Variants in IFT122 observed in about 807,000 individuals in gnomAD.
IFT122 encodes the protein intraflagellar transport 122.
A neutral mutation model predicts 161.6 loss-of-function variants in IFT122; 118 were observed. That is an observed-to-expected ratio of 0.73 (90% CI 0.63 to 0.85). IFT122 has a LOEUF of 0.85. Ranked by LOEUF, IFT122 falls within the 40% of genes least tolerant of loss-of-function variation. IFT122 has a pLI of 0.00. For synonymous variants in IFT122, 550 were observed against 602.4 expected (o/e 0.91, Z 1.27); for missense variants, 1,381 against 1,579.6 (o/e 0.87, Z 2.13).
At chr3:129,492,110 G>C in intron 16 of IFT122, 31 bp from the exon 17 acceptor site, 1 of 1,580,798 alleles carries the variant, frequency 6.3e-7, no homozygotes, top group African/African-American at 1.4e-5. Context: ...CAAGAAGACA[G>C]CTTATTTTAT....
At chr3:129,463,862 A>G (rs985542318) in intron 6 of IFT122, among the ~76,000 whole-genome samples, 1 of 152,228 alleles carries the variant, frequency 6.6e-6, no homozygotes, top group Non-Finnish European at 1.5e-5. Context: ...AAGCCTCAAC[A>G]TCCAGCTATA....
chr3:129,458,796 G>A (rs1449286247), intron 4 of IFT122, 119 bp downstream of exon 4: 1 of 768,726 alleles, frequency 1.3e-6, no homozygotes, highest in Non-Finnish European at 2.3e-6. Flanking sequence ...TTGAAATTAA[G>A]TTGTGGGTGT....
At chr3:129,448,774 C>T (rs1379251348) in intron 1 of IFT122, among the ~76,000 whole-genome samples, 1 of 152,032 alleles carries the variant, frequency 6.6e-6, no homozygotes, top group Non-Finnish European at 1.5e-5. Flanking sequence ...TCACTGCAAC[C>T]TCTGCCTCCC....
Position 129,466,904 on chromosome 3 carries a change from T to C in IFT122, c.578T>C (p.Phe193Ser). Reference sequence around the variant, plus strand: ...ACTGTCTACAGCCGATGGGAGAGTTTCTGGATGAACAGAGAGAATGAGGAT... The same window carrying C: ...ACTGTCTACAGCCGATGGGAGAGTTCCTGGATGAACAGAGAGAATGAGGAT... Reference protein sequence around the residue: ...CWNPSSRWESFWMNRENEDAE... With the variant: ...CWNPSSRWESSWMNRENEDAE... The change falls in exon 8 of 30, where the codon TTC (phenylalanine) becomes TCC (serine). Residue 193 changes from phenylalanine (F) to serine (S), a missense_variant. By Grantham distance (155) the Phe-to-Ser change is radical. Coordinates refer to ENST00000348417, the MANE Select transcript of IFT122 (RefSeq NM_052989.3). 6.2e-7 allele frequency: 1 copy of C among 1,614,212 alleles called. No individual in the cohort carries two copies. The highest frequency in any genetic ancestry group is 8.5e-7 in the Non-Finnish European group (1 of 1,179,998).
At chr3:129,513,143 C>T (rs1280950484) in intron 24 of IFT122, 1 of 153,784 alleles carries the variant, frequency 6.5e-6, no homozygotes, top group Non-Finnish European at 1.4e-5. Flanking sequence ...GTTTTCCTCT[C>T]TTCTGTAGCC....
At chr3:129,440,621 G>T (rs1012020800) in intron 1 of IFT122, among the ~76,000 whole-genome samples, 33 of 152,212 alleles carry the variant, frequency 2.2e-4, no homozygotes, top group Non-Finnish European at 3.1e-4. Flanking sequence ...TTCCCTCACG[G>T]TCTGGCCCTG....
chr3:129,482,707 G>A (rs1445441529), intron 14 of IFT122, among the ~76,000 whole-genome samples: 1 of 152,162 alleles, frequency 6.6e-6, no homozygotes, highest in Non-Finnish European at 1.5e-5. Context: ...CTTGGGTCCT[G>A]CCTGCATCCC....
chr3:129,472,750 C>A (rs1411356439), intron 9 of IFT122, among the ~76,000 whole-genome samples: 1 of 152,190 alleles, frequency 6.6e-6, no homozygotes, highest in East Asian at 1.9e-4. Context: ...GTCATCGAGG[C>A]CCTGTTATTA....
chr3:129,510,274 A>G (rs903774526), intron 23 of IFT122, among the ~76,000 whole-genome samples: 1 of 152,128 alleles, frequency 6.6e-6, no homozygotes. Context: ...CACCTTGGGC[A>G]TTTCTTTCCC....
At chr3:129,443,721 AAGTC>A (rs1280628342) in intron 1 of IFT122, among the ~76,000 whole-genome samples, 1 of 152,252 alleles carries the variant, frequency 6.6e-6, no homozygotes, top group Non-Finnish European at 1.5e-5. Flanking sequence ...AAGACTGTAT[AAGTC>A]AGAGCTAAAC....
At chr3:129,488,929 A>C (rs533817664) in intron 16 of IFT122, among the ~76,000 whole-genome samples, 3 of 152,054 alleles carry the variant, frequency 2.0e-5, no homozygotes, top group Admixed American at 1.3e-4. Context: ...CATGGACTTG[A>C]TTCGTTGTGT....
chr3:129,472,561 A>G (rs923260319), intron 9 of IFT122, among the ~76,000 whole-genome samples: 4 of 151,922 alleles, frequency 2.6e-5, no homozygotes, highest in Non-Finnish European at 5.9e-5. Flanking sequence ...AATTTGTTAC[A>G]TTTTTCTTCT....
chr3:129,511,318 A>G (rs2082798421), intron 23 of IFT122, among the ~76,000 whole-genome samples: 1 of 152,242 alleles, frequency 6.6e-6, no homozygotes, highest in Non-Finnish European at 1.5e-5. Flanking sequence ...TGGAGCTAAC[A>G]AAAGGTATAG....
intron 20 of IFT122, among the ~76,000 whole-genome samples, chr3:129,503,339 G>A (rs1050029864): frequency 2.0e-5 from 3 of 151,330 alleles, no homozygotes; most frequent in African/African-American, 7.4e-5. Flanking sequence ...TCAGGGGCCA[G>A]TTTTTTCCCT....
chr3:129,440,289 C>T lies in IFT122; in HGVS notation c.-42C>T, dbSNP rs1285813289. The T allele has an allele frequency of 6.5e-7, 1 of 1,549,260 alleles. No individual in the cohort carries two copies. On this transcript the variant is annotated 5_prime_UTR_variant, in exon 1 of 30. Coordinates refer to ENST00000348417, the MANE Select transcript of IFT122 (RefSeq NM_052989.3). ...AGTGAGGCGGTTGCTGAGACAGACG[C>T]TGAGGCGGGTAGGAGGAGCCCGAGC...
chr3:129,502,749 G>T lies in IFT122; in HGVS notation c.2414G>T (p.Arg805Leu). Residue 805 changes from arginine to leucine, a missense_variant, in exon 20 of 30, where the codon CGC (arginine) becomes CTC (leucine). By Grantham distance (102) the Arg-to-Leu change is moderately radical. Transcript: ENST00000348417. ...GCCCGCAAACTGGACAAGGCTGAGC[G>T]CGAGCCCCTGCTGCTGTGCGCTACC... Reference protein sequence around the residue: ...DIARKLDKAEREPLLLCATYL... With the variant: ...DIARKLDKAELEPLLLCATYL... 1 of 1,611,170 alleles carries T rather than the reference G, an allele frequency of 6.2e-7. No homozygotes were observed.
intron 9 of IFT122, among the ~76,000 whole-genome samples, chr3:129,472,191 T>TTCA (rs2077430552): frequency 1.3e-5 from 2 of 152,164 alleles, no homozygotes; most frequent in African/African-American, 4.8e-5. Context: ...CTCACCCTGT[T>TTCA]ACCCAGGCTG....
chr3:129,441,633 G>T (rs1401902033), intron 1 of IFT122, among the ~76,000 whole-genome samples: 1 of 152,088 alleles, frequency 6.6e-6, no homozygotes, highest in East Asian at 1.9e-4. Flanking sequence ...TACAGACGTG[G>T]CAAACTCAAA....
At position 129,495,619 on chromosome 3, in the gene IFT122, T is replaced by C; in HGVS notation, c.2208+12T>C. ...TTGAGTATGCCAAGGTAACCTACCC[T>C]GTCCCAGGCCCAAGCTCCAGCTTGG... is the stretch of plus-strand genomic sequence containing the variant. On this transcript the variant is annotated intron_variant, in intron 18 of 29. Coordinates refer to ENST00000348417, the MANE Select transcript of IFT122 (RefSeq NM_052989.3). 6.2e-7 allele frequency: 1 copy of C among 1,614,122 alleles called. No individual in the cohort carries two copies. The highest frequency in any genetic ancestry group is 8.5e-7 in the Non-Finnish European group (1 of 1,179,970).
Sources: gnomAD v4.1 joint callset for allele counts (sites outside exome capture counted in the v4.1 genomes callset) on GRCh38, gnomAD v4.1.1 for gene constraint, MANE v1.5 for transcripts, NCBI Gene and HGNC (gene_info 2026-07-23, HGNC 2026-07-21) for gene names.